ANKRD11: variants seen among roughly 807,000 people sequenced by gnomAD.
ANKRD11 encodes ankyrin repeat domain-containing protein 11.
A neutral mutation model predicts 195.7 loss-of-function variants in ANKRD11; 17 were observed. The observed-to-expected ratio is 0.09, with a 90% CI of 0.06 to 0.13. The LOEUF (loss-of-function observed/expected upper bound fraction) is 0.13. Ranked by LOEUF, ANKRD11 falls within the 10% of genes least tolerant of loss-of-function variation. The pLI, the probability that ANKRD11 is intolerant of heterozygous loss-of-function variation, is 1.00. For synonymous variants in ANKRD11, 1,953 were observed against 1,528.1 expected, an observed-to-expected ratio of 1.28 and a Z score of -6.49; for missense variants, 3,735 against 3,566.1, an observed-to-expected ratio of 1.05 and a Z score of -1.21.
intron 2 of ANKRD11, among the ~76,000 whole-genome samples, chr16:89,377,431 C>A (rs1177860725): frequency 6.6e-6 from 1 of 151,030 alleles, no homozygotes; most frequent in Admixed American, 6.6e-5. Flanking sequence ...GGGTTTACAA[C>A]AGCCAATCAA....
chr16:89,379,198 CG>C (rs1395288050), intron 2 of ANKRD11, among the ~76,000 whole-genome samples: 2 of 152,242 alleles, frequency 1.3e-5, no homozygotes, highest in African/African-American at 4.8e-5. Flanking sequence ...TGGCAGCCGG[CG>C]GGCTAGAAGG....
intron 6 of ANKRD11, among the ~76,000 whole-genome samples, chr16:89,290,383 CGGGGGAGGCTCAGGGCTCCAATT>C: frequency 5.4e-5 from 1 of 18,454 alleles, no homozygotes; most frequent in South Asian, 1.9e-3. Context: ...AGGGCTCCAG[CGGGGGAGGCTCAGGGCTCCAATT>C]GGGGGAGGCT....
intron 1 of ANKRD11, among the ~76,000 whole-genome samples, chr16:89,468,432 C>CA (rs1218535173): frequency 6.6e-6 from 1 of 152,148 alleles, no homozygotes; most frequent in Admixed American, 6.5e-5. Context: ...TGGCCAGGTG[C>CA]AATGGCTCAC....
intron 2 of ANKRD11, among the ~76,000 whole-genome samples, chr16:89,352,859 G>C (rs2039285872): frequency 6.6e-6 from 1 of 152,176 alleles, no homozygotes; most frequent in Non-Finnish European, 1.5e-5. Flanking sequence ...TCAGCATCTT[G>C]TCCTTTCCCT....
intron 2 of ANKRD11, among the ~76,000 whole-genome samples, chr16:89,367,434 C>T (rs1381165809): frequency 3.9e-5 from 6 of 152,156 alleles, no homozygotes; most frequent in East Asian, 3.9e-4. Context: ...AGGGGAGAGA[C>T]GCTCTCAAAC....
At chr16:89,424,941 C>A (rs1026772317) in intron 1 of ANKRD11, among the ~76,000 whole-genome samples, 1 of 152,110 alleles carries the variant, frequency 6.6e-6, no homozygotes, top group African/African-American at 2.4e-5. Flanking sequence ...TCAGCGATAC[C>A]GTGTCCACAT....
At chr16:89,483,094 C>T (rs966751682) in intron 1 of ANKRD11, among the ~76,000 whole-genome samples, 14 of 152,226 alleles carry the variant, frequency 9.2e-5, no homozygotes, top group Admixed American at 8.5e-4. Flanking sequence ...ACTTCTCCAA[C>T]GCCCAAGAGC....
intron 2 of ANKRD11, among the ~76,000 whole-genome samples, chr16:89,364,773 A>C (rs2039877486): frequency 6.6e-6 from 1 of 152,214 alleles, no homozygotes; most frequent in African/African-American, 2.4e-5. Flanking sequence ...GTCAGACTGT[A>C]AACACTACTC....
chr16:89,436,816 T>G (rs193241867), intron 1 of ANKRD11, among the ~76,000 whole-genome samples: 1 of 152,236 alleles, frequency 6.6e-6, no homozygotes, highest in Non-Finnish European at 1.5e-5. Flanking sequence ...ACTAGAGAAC[T>G]GTTAGAGACC....
At chr16:89,409,829 A>AATTTATTTATTTATTTATTTATTT (rs1262220424) in intron 2 of ANKRD11, among the ~76,000 whole-genome samples, 3,511 of 151,472 alleles carry the variant, frequency 0.023, 139 homozygotes, top group African/African-American at 0.081. Flanking sequence ...TTTCAATCTA[A>AATTTATTTATTTATTTATTTATTT]ATTTATTTAT....
chr16:89,476,865 G>C (rs1184434750), intron 1 of ANKRD11, among the ~76,000 whole-genome samples: 2 of 152,112 alleles, frequency 1.3e-5, no homozygotes, highest in East Asian at 3.9e-4. Context: ...TGACTTCAGA[G>C]TCCCTCTGGG....
chr16:89,416,557 C>CA (rs2042318644), intron 2 of ANKRD11, among the ~76,000 whole-genome samples: 1 of 152,266 alleles, frequency 6.6e-6, no homozygotes, highest in Middle Eastern at 3.4e-3. Flanking sequence ...CTTGACATCT[C>CA]AAAGTGCTGG....
intron 2 of ANKRD11, among the ~76,000 whole-genome samples, chr16:89,395,259 G>A (rs761086753): frequency 2.6e-5 from 4 of 152,354 alleles, no homozygotes; most frequent in Non-Finnish European, 5.9e-5. Context: ...GAGCCCCAGG[G>A]AAGGGCTGCG....
intron 1 of ANKRD11, among the ~76,000 whole-genome samples, chr16:89,428,279 A>T (rs987556147): frequency 6.6e-6 from 1 of 152,124 alleles, no homozygotes; most frequent in Non-Finnish European, 1.5e-5. Context: ...TAATCCCAGC[A>T]CTTTGGGAGG....
At position 89,281,152 on chromosome 16, in the gene ANKRD11, C is replaced by T. The variant is rs1415949340; in HGVS notation, c.5390G>A (p.Arg1797Lys). The T allele has an allele frequency of 6.2e-7, 1 of 1,613,862 alleles. No individual in the cohort carries two copies. Among genetic ancestry groups the T allele is most frequent in the Admixed American group, 1.7e-5 (1 of 59,998 alleles). ...GACGCTGAATTCTTCCTCGGGGGTC[C>T]TCCTAATGTCGACAGAGACCGAGCG... ...LYRSVSVDIR[R>K]TPEEEFSVGD... Residue 1797 changes from arginine (R) to lysine (K), a missense_variant, in exon 9 of 13, where the codon AGG becomes AAG. Transcript: ENST00000301030. This position sits in a 1 kb window ranked among gnomAD's most constrained non-coding sequence, Gnocchi z 5.5.
intron 2 of ANKRD11, among the ~76,000 whole-genome samples, chr16:89,402,191 T>C (rs1442125804): frequency 6.6e-6 from 1 of 152,170 alleles, no homozygotes; most frequent in Non-Finnish European, 1.5e-5. Context: ...GTTCACTGCA[T>C]GAAAGCACAG....
chr16:89,404,058 G>C (rs1046743635), intron 2 of ANKRD11, among the ~76,000 whole-genome samples: 33 of 152,210 alleles, frequency 2.2e-4, no homozygotes, highest in African/African-American at 8.0e-4. Context: ...CCAAACTACA[G>C]GAAACTCTCA....
In ANKRD11 at chr16:89,280,706, C is replaced by T. The variant is rs2034146071; in HGVS notation, c.5836G>A (p.Glu1946Lys). 1.2e-6 allele frequency: 2 copies of T among 1,613,318 alleles called. No homozygotes were observed. Among genetic ancestry groups the T allele is most frequent in the East Asian group, 4.5e-5 (2 of 44,850 alleles). The change falls in exon 9 of 13, where the codon GAG becomes AAG. Residue 1946 changes from glutamate to lysine, a missense_variant. By Grantham distance (56) the Glu-to-Lys change is moderately conservative. Transcript: ENST00000301030. ...GAGGGGTGGGCCCACTCAACGGGCT[C>T]CTCGGTGATGACGGCGCTGAAGGGA... ...EGPFSAVITE[E>K]PVEWAHPSEQ...
At chr16:89,468,624 G>C (rs2056962784) in intron 1 of ANKRD11, among the ~76,000 whole-genome samples, 1 of 152,112 alleles carries the variant, frequency 6.6e-6, no homozygotes, top group Admixed American at 6.6e-5. Flanking sequence ...AGAATTGCTT[G>C]GGAACCTGGG....
Sources: allele counts gnomAD v4.1 joint callset (sites outside exome capture counted in the v4.1 genomes callset), GRCh38; gene constraint gnomAD v4.1.1; non-coding constraint Gnocchi (gnomAD v3.1); transcripts MANE v1.5; gene names NCBI Gene and HGNC (gene_info 2026-07-23, HGNC 2026-07-21).